Variants in SORL1 observed in about 807,000 individuals in gnomAD.
SORL1 encodes sortilin related receptor 1, also known as sortilin-related receptor.
In SORL1, 127 loss-of-function variants were observed where a neutral mutation model predicts 273.7. That is an observed-to-expected ratio of 0.46 (90% CI 0.40 to 0.54). SORL1 has a LOEUF of 0.54. Among genes scored for constraint, SORL1 ranks in the 20% least tolerant of loss-of-function variants. SORL1 has a pLI of 0.00. For synonymous variants in SORL1, 1,031 were observed against 1,067.4 expected (o/e 0.97, Z 0.66); for missense variants, 2,494 against 2,846.1 (o/e 0.88, Z 2.81).
At chr11:121,589,506 C>T (rs1256706379) in intron 29 of SORL1, 116 bp downstream of exon 29, 2 of 1,292,678 alleles carry the variant, frequency 1.5e-6, no homozygotes, top group East Asian at 2.4e-5. Context: ...CGTAACTCAG[C>T]AGCAGTTGCT....
At chr11:121,593,157 G>C (rs1863242163) in intron 31 of SORL1, among the ~76,000 whole-genome samples, 1 of 152,102 alleles carries the variant, frequency 6.6e-6, no homozygotes, top group African/African-American at 2.4e-5. Flanking sequence ...ATTGTCCAGG[G>C]CATGATTTGC....
intron 8 of SORL1, among the ~76,000 whole-genome samples, chr11:121,514,923 C>T (rs1304865482): frequency 2.0e-5 from 3 of 152,108 alleles, no homozygotes; most frequent in South Asian, 4.1e-4. Context: ...TCTTAAGATC[C>T]GTTCAGGGCC....
At chr11:121,619,938 G>A (rs914621523) in intron 43 of SORL1, 21 bp downstream of exon 43, 1 of 1,606,930 alleles carries the variant, frequency 6.2e-7, no homozygotes, top group Non-Finnish European at 8.5e-7. Context: ...TGGGCTTCCA[G>A]GCCTCTTTGT....
At chr11:121,516,098 A>G (rs1861946157) in intron 8 of SORL1, among the ~76,000 whole-genome samples, 1 of 152,232 alleles carries the variant, frequency 6.6e-6, no homozygotes, top group Non-Finnish European at 1.5e-5. Flanking sequence ...CTAAATAATT[A>G]TAAGTGAGCA....
intron 32 of SORL1, among the ~76,000 whole-genome samples, chr11:121,602,718 C>A (rs1295924584): frequency 6.6e-6 from 1 of 152,198 alleles, no homozygotes; most frequent in Non-Finnish European, 1.5e-5. Flanking sequence ...GCTCATATCA[C>A]CTTTAACATA....
At chr11:121,496,835 A>G (rs760735445) in intron 5 of SORL1, 34 bp from the exon 6 acceptor site, 46 of 1,573,894 alleles carry the variant, frequency 2.9e-5, no homozygotes, top group Non-Finnish European at 3.7e-5. Context: ...TTAAATGTGC[A>G]AATGATAACA....
At chr11:121,529,438 A>G (rs531524065) in intron 11 of SORL1, among the ~76,000 whole-genome samples, 1 of 152,126 alleles carries the variant, frequency 6.6e-6, no homozygotes, top group African/African-American at 2.4e-5. Flanking sequence ...GTTGGTCTTG[A>G]ACTCCTGACC....
At position 121,473,755 on chromosome 11, in the gene SORL1, C is replaced by T. The variant is rs185934910; in HGVS notation, c.402+3632C>T. Among the ~76,000 whole-genome samples, 259 of 152,186 alleles carry T rather than the reference C, an allele frequency of 1.7e-3. 1 individual carries two copies. The highest frequency in any genetic ancestry group is 2.9e-3 in the Non-Finnish European group (195 of 68,002). ...ACTAAAAATATAAAAATTAGCCAGG[C>T]GTGGTGGCACAAGCCTGTAATCCCA... On this transcript the variant is annotated intron_variant, in intron 2 of 47. Transcript: ENST00000260197.
At position 121,479,661 on chromosome 11, in the gene SORL1, C is replaced by T. The variant is rs1342850709; in HGVS notation, c.528+1418C>T. The stretch of plus-strand genomic sequence containing the variant: ...GGAGATCCTGGGGAAGGGACCACGC[C>T]ATGGGAAGTGTTGTGGGGTAGGCTT... On this transcript the variant is annotated intron_variant, in intron 3 of 47. Transcript: ENST00000260197. 2.0e-5 allele frequency among the ~76,000 whole-genome samples: 3 copies of T among 152,132 alleles called. No homozygotes were observed. In the East Asian group the frequency reaches 5.8e-4, roughly 29 times the overall value.
chr11:121,559,404 A>T, intron 20 of SORL1, 115 bp from the exon 21 acceptor site: 1 of 1,049,246 alleles, frequency 9.5e-7, no homozygotes, highest in Non-Finnish European at 1.4e-6. Flanking sequence ...TGATCAGGCT[A>T]GTCATTCAGC....
Position 121,550,534 on chromosome 11 carries a change from G to T in SORL1, c.2181-51G>T. ...GTGTATTCCCAGCTGGGATGCCTTTGTGGCTATTCTTCCATGTTTCTGACC... is the reference window on the plus strand; with the variant it reads ...GTGTATTCCCAGCTGGGATGCCTTTTTGGCTATTCTTCCATGTTTCTGACC... On this transcript the variant is annotated intron_variant, in intron 15 of 47. Coordinates refer to ENST00000260197, the MANE Select transcript of SORL1 (RefSeq NM_003105.6). The surrounding 1 kb of genome is among the most constrained non-coding windows in gnomAD (Gnocchi z 5.3). The T allele has an allele frequency of 6.5e-7, 1 of 1,534,164 alleles. No homozygotes were observed. The highest frequency in any genetic ancestry group is 1.7e-5 in the Admixed American group (1 of 59,738).
intron 14 of SORL1, among the ~76,000 whole-genome samples, chr11:121,549,270 T>C (rs953952251): frequency 1.4e-4 from 22 of 152,374 alleles, no homozygotes; most frequent in African/African-American, 5.3e-4. Flanking sequence ...TTGCCCAGGC[T>C]GGAGTGCAGT....
At chr11:121,453,392 C>T (rs572243052) in intron 1 of SORL1, among the ~76,000 whole-genome samples, 1 of 152,304 alleles carries the variant, frequency 6.6e-6, no homozygotes, top group Admixed American at 6.5e-5. Flanking sequence ...TATGGTCAGA[C>T]TTACTGCGAG....
At position 121,496,913 on chromosome 11, in the gene SORL1, G is replaced by A; in HGVS notation, c.803G>A (p.Arg268Gln). 3 of 1,613,138 alleles carry A rather than the reference G, an allele frequency of 1.9e-6. No homozygotes were observed. Among genetic ancestry groups the A allele is most frequent in the Non-Finnish European group, 2.5e-6 (3 of 1,179,792 alleles). The change falls in exon 6 of 48, where the codon CGA becomes CAA. Residue 268 changes from arginine to glutamine, a missense_variant. Transcript: ENST00000260197. ...AAACCAAATACCATCTACATTGAAC[G>A]ACATGAACCCTCTGGCTACTCCACT... ...YDKPNTIYIERHEPSGYSTVF... is the reference protein window; with the variant it reads ...YDKPNTIYIEQHEPSGYSTVF...
At chr11:121,556,372 C>A (rs1862581762) in intron 18 of SORL1, among the ~76,000 whole-genome samples, 1 of 152,084 alleles carries the variant, frequency 6.6e-6, no homozygotes, top group Admixed American at 6.6e-5. Context: ...ACAGAGCAGG[C>A]AACTTGAGGT....
chr11:121,555,788 T>G (rs118042076), intron 18 of SORL1, among the ~76,000 whole-genome samples: 1 of 152,186 alleles, frequency 6.6e-6, no homozygotes, highest in South Asian at 2.1e-4. Flanking sequence ...TCCCCATTTC[T>G]CTGCAACTTA....
chr11:121,514,702 T>G (rs576074918), intron 8 of SORL1, among the ~76,000 whole-genome samples: 1 of 152,342 alleles, frequency 6.6e-6, no homozygotes, highest in South Asian at 2.1e-4. Context: ...AGCTGGCATA[T>G]GCGGCCAGTG....
chr11:121,467,539 AT>A (rs112850541), intron 1 of SORL1, among the ~76,000 whole-genome samples: 17,663 of 150,362 alleles, frequency 0.12, 1,166 homozygotes, highest in African/African-American at 0.18. Flanking sequence ...AACATGGGTG[AT>A]TTTTTTTTTC....
chr11:121,471,616 C>T (rs1053581008), intron 2 of SORL1, among the ~76,000 whole-genome samples: 3 of 152,196 alleles, frequency 2.0e-5, no homozygotes, highest in Admixed American at 6.5e-5. Context: ...TTCACACTAG[C>T]CTTAAGGATA....
Sources: allele counts gnomAD v4.1 joint callset (sites outside exome capture counted in the v4.1 genomes callset), GRCh38; gene constraint gnomAD v4.1.1; non-coding constraint Gnocchi (gnomAD v3.1); transcripts MANE v1.5; gene names NCBI Gene and HGNC (gene_info 2026-07-23, HGNC 2026-07-21).